The following CUL1 variants were observed in gnomAD, a reference collection of about 807,000 sequenced individuals.
The protein encoded by CUL1 is cullin-1.
Under a neutral mutation model 118.0 loss-of-function variants are expected in CUL1, and 24 were observed. The ratio of observed to expected loss-of-function variants is 0.20; its 90% confidence interval spans 0.15 to 0.29. The LOEUF (loss-of-function observed/expected upper bound fraction) is 0.29, where lower values mean the gene tolerates loss of function less well. Among genes scored for constraint, CUL1 ranks in the 10% least tolerant of loss-of-function variants. The probability of loss-of-function intolerance (pLI) is 1.00; values close to 1 mark genes in which losing one functional copy is unlikely to be tolerated. For synonymous variants in CUL1, 332 were observed against 340.4 expected, an observed-to-expected ratio of 0.98 and a Z score of 0.27; for missense variants, 361 against 933.8, an observed-to-expected ratio of 0.39 and a Z score of 7.99.
At chr7:148,790,198 A>C in intron 15 of CUL1, 112 bp from the exon 16 acceptor site, 1 of 1,098,478 alleles carries the variant, frequency 9.1e-7, no homozygotes, top group Non-Finnish European at 1.4e-6. Context: ...TTTTACTTTT[A>C]TGTAAGCACT....
At chr7:148,697,909 A>G (rs1797574985), upstream of CUL1, 1 of 152,232 alleles carries the variant, frequency 6.6e-6, no homozygotes, top group South Asian at 2.1e-4. Context: ...ACACGTGAAA[A>G]CAATACTATT....
chr7:148,743,361 C>T (rs1286704363), intron 2 of CUL1, among the ~76,000 whole-genome samples: 1 of 152,146 alleles, frequency 6.6e-6, no homozygotes, highest in Non-Finnish European at 1.5e-5. Context: ...CTTGCATCTG[C>T]CATGGTGGGA....
chr7:148,739,247 T>G (rs1408351186), intron 2 of CUL1, among the ~76,000 whole-genome samples: 1 of 152,240 alleles, frequency 6.6e-6, no homozygotes, highest in Non-Finnish European at 1.5e-5. Flanking sequence ...AGGCAGCTTC[T>G]GATCACATGA....
At chr7:148,776,306 G>GATTTTTTTTTT (rs1563166099) in intron 9 of CUL1, among the ~76,000 whole-genome samples, 1 of 33,960 alleles carries the variant, frequency 2.9e-5, no homozygotes, top group Non-Finnish European at 5.7e-5. Flanking sequence ...ACATAACCAG[G>GATTTTTTTTTT]CTTTTTTTTT....
At chr7:148,741,233 G>A (rs1799129557) in intron 2 of CUL1, among the ~76,000 whole-genome samples, 1 of 152,140 alleles carries the variant, frequency 6.6e-6, no homozygotes, top group Non-Finnish European at 1.5e-5. Context: ...AGGTTTCTAT[G>A]TAGACATATG....
intron 1 of CUL1, among the ~76,000 whole-genome samples, chr7:148,707,285 G>C (rs1237413081): frequency 6.6e-6 from 1 of 152,136 alleles, no homozygotes; most frequent in Non-Finnish European, 1.5e-5. Context: ...AGTGTGGGAA[G>C]TGCCATAGAG....
rs977711859 is a variant in CUL1, at chr7:148,710,837, T to G, written c.-162+11808T>G. 2.8e-4 allele frequency among the ~76,000 whole-genome samples: 43 copies of G among 151,924 alleles called. 1 individual carries two copies. Among genetic ancestry groups the G allele is most frequent in the South Asian group, 8.3e-4 (4 of 4,822 alleles). On this transcript the variant is annotated intron_variant, in intron 1 of 21. Transcript: ENST00000325222. ...CACCACCATGCCCGGCTAATTTTTTTTGTGTGTTTTTAGTAGGGACGGGTT... is the reference window on the plus strand; with the variant it reads ...CACCACCATGCCCGGCTAATTTTTTGTGTGTGTTTTTAGTAGGGACGGGTT...
intron 2 of CUL1, among the ~76,000 whole-genome samples, chr7:148,753,021 A>G (rs757104959): frequency 3.3e-5 from 5 of 152,240 alleles, no homozygotes; most frequent in African/African-American, 9.6e-5. Context: ...AAGCGTTCAC[A>G]TATATATTCT....
At chr7:148,762,447 A>G (rs1469825895) in intron 7 of CUL1, among the ~76,000 whole-genome samples, 2 of 152,216 alleles carry the variant, frequency 1.3e-5, no homozygotes, top group Non-Finnish European at 2.9e-5. Flanking sequence ...TTCCTTGTGT[A>G]TAATGGTGGG....
intron 2 of CUL1, among the ~76,000 whole-genome samples, chr7:148,737,127 TG>T (rs1271298155): frequency 1.3e-5 from 2 of 152,222 alleles, no homozygotes; most frequent in Non-Finnish European, 2.9e-5. Flanking sequence ...ATTGAGAAAT[TG>T]TATATCTGTC....
chr7:148,700,296 T>G (rs558449288), intron 1 of CUL1, among the ~76,000 whole-genome samples: 6 of 152,222 alleles, frequency 3.9e-5, no homozygotes, highest in Non-Finnish European at 7.3e-5. Context: ...CTAGATTCCT[T>G]TTTTACTTCA....
chr7:148,716,644 T>C (rs1798222443), intron 1 of CUL1, among the ~76,000 whole-genome samples: 1 of 152,124 alleles, frequency 6.6e-6, no homozygotes, highest in African/African-American at 2.4e-5. Context: ...AAGAAAAATG[T>C]ATCTACACTT....
At chr7:148,760,683 C>A (rs118119807) in intron 7 of CUL1, among the ~76,000 whole-genome samples, 187 bp downstream of exon 7, 1 of 152,110 alleles carries the variant, frequency 6.6e-6, no homozygotes, top group South Asian at 2.1e-4. Context: ...ATTTGGTAAT[C>A]GTGACTGAGA....
chr7:148,752,572 A>ATT (rs71192724), intron 2 of CUL1, among the ~76,000 whole-genome samples: 1 of 151,962 alleles, frequency 6.6e-6, no homozygotes, highest in Non-Finnish European at 1.5e-5. Flanking sequence ...ATAGAGATTC[A>ATT]TTTTTTTAAT....
chr7:148,725,777 T>G (rs1212894942), intron 1 of CUL1, among the ~76,000 whole-genome samples: 1 of 152,224 alleles, frequency 6.6e-6, no homozygotes, highest in African/African-American at 2.4e-5. Flanking sequence ...CTTTGCTGTA[T>G]TAGTTATTAA....
At chr7:148,703,536 T>G (rs71532739) in intron 1 of CUL1, among the ~76,000 whole-genome samples, 6 of 148,692 alleles carry the variant, frequency 4.0e-5, no homozygotes, top group Admixed American at 1.4e-4. Flanking sequence ...TTGTTTTTTG[T>G]TTTTTGTTTT....
rs1424306152 is a variant in CUL1 at position 148,800,366 on chromosome 7, T to G, written c.2251-136T>G. 3.0e-6 allele frequency: 2 copies of G among 664,024 alleles called. No individual in the cohort carries two copies. Among genetic ancestry groups the G allele is most frequent in the East Asian group, 5.5e-5 (2 of 36,268 alleles). 41.1% of individuals were successfully genotyped at this position (664,024 alleles called of 1,614,324 possible). A position where few individuals can be genotyped will look rare whatever the true frequency, so the allele number is the denominator to read the frequency against. On this transcript the variant is annotated intron_variant, in intron 21 of 21. Coordinates refer to ENST00000325222, the MANE Select transcript of CUL1 (RefSeq NM_003592.3). The surrounding 1 kb of genome is among the most constrained non-coding windows in gnomAD (Gnocchi z 4.6). ...AAGTAAAACTCTATGCTAACAGATC[T>G]GGGGCGGGGACACTGCTCCCCACTG...
At chr7:148,704,503 T>TTAA (rs1797822964) in intron 1 of CUL1, among the ~76,000 whole-genome samples, 2 of 152,320 alleles carry the variant, frequency 1.3e-5, no homozygotes, top group South Asian at 4.1e-4. Flanking sequence ...GACTACTAGA[T>TTAA]TAATATTCTG....
chr7:148,791,863 A>G (rs1440870607), intron 16 of CUL1, among the ~76,000 whole-genome samples: 3 of 152,236 alleles, frequency 2.0e-5, no homozygotes, highest in Non-Finnish European at 2.9e-5. Flanking sequence ...ACACTCAGCA[A>G]TCAGGAACCA....
Sources: allele counts gnomAD v4.1 joint callset (sites outside exome capture counted in the v4.1 genomes callset), GRCh38; gene constraint gnomAD v4.1.1; non-coding constraint Gnocchi (gnomAD v3.1); transcripts MANE v1.5; gene names NCBI Gene and HGNC (gene_info 2026-07-23, HGNC 2026-07-21).